Variants in LHFPL2 observed in about 807,000 individuals in gnomAD.
The protein encoded by LHFPL2 is LHFPL tetraspan subfamily member 2 protein.
In LHFPL2, 7 loss-of-function variants were observed where a neutral mutation model predicts 17.5. The ratio of observed to expected loss-of-function variants is 0.40; its 90% CI spans 0.23 to 0.75. The LOEUF is 0.75. Among genes scored for constraint, LHFPL2 ranks in the 30% least tolerant of loss-of-function variants. The probability of loss-of-function intolerance (pLI) is 0.37; values close to 1 mark genes in which losing one functional copy is unlikely to be tolerated. For synonymous variants in LHFPL2, 134 were observed against 116.2 expected (o/e 1.15, Z -0.99); for missense variants, 241 against 294.8 (o/e 0.82, Z 1.34).
At chr5:78,587,012 A>G (rs1008775280) in intron 2 of LHFPL2, among the ~76,000 whole-genome samples, 102 of 152,350 alleles carry the variant, frequency 6.7e-4, no homozygotes, top group African/African-American at 2.4e-3. Flanking sequence ...CTTCAGTAGC[A>G]TACAACTGTT....
At chr5:78,530,669 A>T (rs1755754665) in intron 3 of LHFPL2, among the ~76,000 whole-genome samples, 1 of 152,162 alleles carries the variant, frequency 6.6e-6, no homozygotes, top group African/African-American at 2.4e-5. Flanking sequence ...CTTTTATAAC[A>T]TGGAACCCAA....
At chr5:78,517,354 C>G (rs78544839) in intron 3 of LHFPL2, among the ~76,000 whole-genome samples, 5,131 of 152,254 alleles carry the variant, frequency 0.034, 305 homozygotes, top group African/African-American at 0.11. Context: ...TTTCTTGATG[C>G]CAACTCCAAC....
intron 2 of LHFPL2, among the ~76,000 whole-genome samples, chr5:78,591,629 A>G (rs1249295984): frequency 6.6e-6 from 1 of 152,144 alleles, no homozygotes; most frequent in Non-Finnish European, 1.5e-5. Context: ...AATCCTTGAC[A>G]TTGTCGCGTC....
intron 4 of LHFPL2, among the ~76,000 whole-genome samples, chr5:78,505,260 G>A (rs876606): frequency 0.23 from 35,296 of 152,124 alleles, 4,423 homozygotes; most frequent in East Asian, 0.45. Context: ...CTGATCACCC[G>A]GCTTTTGTAA....
chr5:78,635,026 G>A (rs907201478), intron 1 of LHFPL2, among the ~76,000 whole-genome samples: 1 of 152,186 alleles, frequency 6.6e-6, no homozygotes, highest in South Asian at 2.1e-4. Context: ...GAGTGGGTCA[G>A]TTCTTCACAG....
At chr5:78,581,986 C>T (rs1021152969) in intron 2 of LHFPL2, among the ~76,000 whole-genome samples, 5 of 152,174 alleles carry the variant, frequency 3.3e-5, no homozygotes, top group Admixed American at 2.6e-4. Flanking sequence ...TTGGTCTATT[C>T]AGAGATTCAA....
At position 78,510,238 on chromosome 5, in the gene LHFPL2, G is replaced by A. The variant is rs780748019; in HGVS notation, c.-25C>T. 6.4e-6 allele frequency: 10 copies of A among 1,556,608 alleles called. No homozygotes were observed. In the Admixed American group the frequency reaches 2.0e-4, roughly 31 times the overall value. ...TATTGATGTTCCGGGCGAAGAAAGA[G>A]TCAGGAGTCCACGGAGTTAATCAAA... On this transcript the variant is annotated 5_prime_UTR_variant, in exon 4 of 5. Transcript: ENST00000380345.
At chr5:78,618,507 T>A (rs1156432992) in intron 2 of LHFPL2, among the ~76,000 whole-genome samples, 1 of 152,178 alleles carries the variant, frequency 6.6e-6, no homozygotes, top group Non-Finnish European at 1.5e-5. Context: ...TGGGTCCAGA[T>A]AAGAACATCC....
At chr5:78,518,698 C>T (rs1426838665) in intron 3 of LHFPL2, among the ~76,000 whole-genome samples, 1 of 152,176 alleles carries the variant, frequency 6.6e-6, no homozygotes, top group East Asian at 1.9e-4. Flanking sequence ...AGTGAGTGTT[C>T]CTCGCTGCAG....
At chr5:78,591,298 T>C (rs193178866) in intron 2 of LHFPL2, among the ~76,000 whole-genome samples, 1 of 152,334 alleles carries the variant, frequency 6.6e-6, no homozygotes, top group Non-Finnish European at 1.5e-5. Flanking sequence ...GGGGAAGCAG[T>C]TGACCTCAAG....
At chr5:78,636,455 C>G (rs1202565314) in intron 1 of LHFPL2, among the ~76,000 whole-genome samples, 1 of 152,184 alleles carries the variant, frequency 6.6e-6, no homozygotes. Context: ...CATAAGCTGA[C>G]TTTGCCCCTA....
chr5:78,637,482 T>C (rs892397844), intron 1 of LHFPL2, among the ~76,000 whole-genome samples: 5 of 152,194 alleles, frequency 3.3e-5, no homozygotes, highest in Non-Finnish European at 5.9e-5. Context: ...AAGGCATCCC[T>C]GCACAGTGGC....
At chr5:78,589,290 G>A (rs1011688696) in intron 2 of LHFPL2, among the ~76,000 whole-genome samples, 1 of 152,048 alleles carries the variant, frequency 6.6e-6, no homozygotes, top group South Asian at 2.1e-4. Context: ...CTAACACAGT[G>A]AAACCCCATT....
intron 1 of LHFPL2, among the ~76,000 whole-genome samples, chr5:78,642,340 A>C (rs561963804): frequency 1.1e-4 from 16 of 152,322 alleles, no homozygotes; most frequent in Admixed American, 9.2e-4. Context: ...CAATTTTGTC[A>C]GTTACACATC....
At chr5:78,634,027 G>A (rs1204494053) in intron 1 of LHFPL2, among the ~76,000 whole-genome samples, 2 of 152,164 alleles carry the variant, frequency 1.3e-5, no homozygotes, top group East Asian at 3.9e-4. Context: ...GAGCCATAAA[G>A]TAATTCAGGA....
rs1745979185 is a variant in LHFPL2, at chr5:78,648,686, G to A, written c.-537C>T. ...GAGGGGGGCAACGCAAGGGAGGGGA[G>A]AGGGTCCGCGGCGCGGGGGAGGAGG... is the stretch of plus-strand genomic sequence containing the variant. On this transcript the variant is annotated 5_prime_UTR_variant, in exon 1 of 5. Coordinates refer to ENST00000380345, the MANE Select transcript of LHFPL2 (RefSeq NM_005779.3). The surrounding 1 kb of genome is among the most constrained non-coding windows in gnomAD (Gnocchi z 5.4). The A allele has an allele frequency of 6.6e-6, 1 of 152,318 alleles. No individual in the cohort carries two copies. Among genetic ancestry groups the A allele is most frequent in the African/African-American group, 2.4e-5 (1 of 41,406 alleles). 9.4% of individuals were successfully genotyped at this position (152,318 alleles called of 1,614,324 possible).
intron 3 of LHFPL2, among the ~76,000 whole-genome samples, chr5:78,521,519 A>G (rs138192145): frequency 1.6e-4 from 24 of 152,348 alleles, no homozygotes; most frequent in African/African-American, 5.0e-4. Context: ...CACCATGGAT[A>G]GATTTAAATT....
At chr5:78,535,503 C>A (rs550074534) in intron 3 of LHFPL2, among the ~76,000 whole-genome samples, 16 of 152,306 alleles carry the variant, frequency 1.1e-4, no homozygotes, top group African/African-American at 3.8e-4. Context: ...CCCTCTCCCA[C>A]CAGAGCCACA....
rs573349697 is a variant in LHFPL2 at position 78,533,403 on chromosome 5, T to C, written c.-185-23005A>G. Among the ~76,000 whole-genome samples the C allele has an allele frequency of 2.6e-5, 4 of 152,254 alleles. No individual in the cohort carries two copies. In the East Asian group the frequency reaches 7.7e-4, roughly 29 times the overall value. Reference sequence around the variant, plus strand: ...AATTCCTTAGAAGACTTATGACAAATGCATATGAGAAGAAATGGTAATAAA... The same window carrying C: ...AATTCCTTAGAAGACTTATGACAAACGCATATGAGAAGAAATGGTAATAAA... On this transcript the variant is annotated intron_variant, in intron 3 of 4. Coordinates refer to ENST00000380345, the MANE Select transcript of LHFPL2 (RefSeq NM_005779.3).
Sources: gnomAD v4.1 joint callset for allele counts (sites outside exome capture counted in the v4.1 genomes callset) on GRCh38, gnomAD v4.1.1 for gene constraint, Gnocchi (gnomAD v3.1) non-coding constraint, MANE v1.5 for transcripts, NCBI Gene and HGNC (gene_info 2026-07-23, HGNC 2026-07-21) for gene names.